PTN: variants seen among roughly 807,000 people sequenced by gnomAD.
The protein encoded by PTN is heparin affin regulatory protein.
PTN carries 18 observed loss-of-function variants against 24.1 expected under a neutral mutation model. The observed-to-expected ratio is 0.75, with a 90% CI of 0.52 to 1.11. The LOEUF is 1.11. Ranked by LOEUF, PTN falls within the 50% of genes least tolerant of loss-of-function variation. The pLI, the probability that PTN is intolerant of heterozygous loss-of-function variation, is 0.00. For synonymous variants in PTN, 78 were observed against 68.6 expected (o/e 1.14, Z -0.67); for missense variants, 163 against 198.8 (o/e 0.82, Z 1.08).
intron 1 of PTN, among the ~76,000 whole-genome samples, chr7:137,291,118 T>C (rs958382162): frequency 6.6e-6 from 1 of 152,174 alleles, no homozygotes; most frequent in Non-Finnish European, 1.5e-5. Context: ...TTTATTCCCA[T>C]GAGAAGTTGT....
At chr7:137,261,603 A>C (rs1464990654) in intron 1 of PTN, among the ~76,000 whole-genome samples, 5 of 152,216 alleles carry the variant, frequency 3.3e-5, no homozygotes, top group African/African-American at 1.2e-4. Flanking sequence ...AGAAAAGGTA[A>C]ATAAATAGGA....
At chr7:137,249,272 C>CGTGTGTGTGTGTGTGTGTGT (rs60014659) in intron 4 of PTN, among the ~76,000 whole-genome samples, 1 of 145,276 alleles carries the variant, frequency 6.9e-6, no homozygotes, top group Non-Finnish European at 1.5e-5. Context: ...GGACAGTGCA[C>CGTGTGTGTGTGTGTGTGTGT]GTGTGTGTGT....
At chr7:137,305,185 T>C (rs1024154771) in intron 1 of PTN, among the ~76,000 whole-genome samples, 2 of 152,044 alleles carry the variant, frequency 1.3e-5, no homozygotes, top group Non-Finnish European at 2.9e-5. Context: ...TAAATTCAGA[T>C]CAACCTCAAA....
At chr7:137,278,253 G>GCCGA (rs1210316940) in intron 1 of PTN, among the ~76,000 whole-genome samples, 13 of 130,392 alleles carry the variant, frequency 1.0e-4, no homozygotes, top group African/African-American at 3.4e-4. Flanking sequence ...CTTGCAGTGA[G>GCCGA]CCGAGATCGC....
At chr7:137,237,301 T>C (rs1025892784) in intron 4 of PTN, among the ~76,000 whole-genome samples, 3 of 152,090 alleles carry the variant, frequency 2.0e-5, no homozygotes, top group Non-Finnish European at 4.4e-5. Flanking sequence ...AGGGGCCTCA[T>C]AGGGCACCAA....
At chr7:137,301,157 A>G (rs543976827) in intron 1 of PTN, among the ~76,000 whole-genome samples, 1 of 152,106 alleles carries the variant, frequency 6.6e-6, no homozygotes, top group African/African-American at 2.4e-5. Flanking sequence ...ACAATTTGCA[A>G]TATGTGTCAG....
At chr7:137,297,481 C>T (rs983227521) in intron 1 of PTN, among the ~76,000 whole-genome samples, 1 of 151,826 alleles carries the variant, frequency 6.6e-6, no homozygotes, top group Non-Finnish European at 1.5e-5. Context: ...TTAAGGAATA[C>T]CAAGGAGAGA....
chr7:137,297,127 A>G (rs911443186), intron 1 of PTN, among the ~76,000 whole-genome samples: 4 of 152,148 alleles, frequency 2.6e-5, no homozygotes, highest in African/African-American at 9.6e-5. Context: ...ATGGACAGAT[A>G]AAATAATGTT....
intron 1 of PTN, among the ~76,000 whole-genome samples, chr7:137,339,705 T>C (rs1562976006): frequency 6.6e-6 from 1 of 151,856 alleles, no homozygotes; most frequent in African/African-American, 2.4e-5. Flanking sequence ...CATCCGTACA[T>C]AGAGAAATGT....
At chr7:137,267,554 A>G (rs1265981913) in intron 1 of PTN, among the ~76,000 whole-genome samples, 2 of 152,130 alleles carry the variant, frequency 1.3e-5, no homozygotes, top group African/African-American at 4.8e-5. Flanking sequence ...TGGCCAGTCT[A>G]TTTCACACAA....
At chr7:137,279,848 A>G (rs772047864) in intron 1 of PTN, among the ~76,000 whole-genome samples, 19 of 152,256 alleles carry the variant, frequency 1.2e-4, no homozygotes, top group Admixed American at 2.0e-4. Context: ...GAAGCCAGAA[A>G]GGCTGACAGA....
intron 4 of PTN, among the ~76,000 whole-genome samples, chr7:137,250,756 A>C (rs1808810184): frequency 6.6e-6 from 1 of 152,254 alleles, no homozygotes; most frequent in African/African-American, 2.4e-5. Flanking sequence ...AAAGGCTCTG[A>C]AAACAAATGC....
At chr7:137,335,043 T>A (rs538284278) in intron 1 of PTN, among the ~76,000 whole-genome samples, 1 of 66,306 alleles carries the variant, frequency 1.5e-5, no homozygotes, top group East Asian at 5.3e-4. Flanking sequence ...GGGACTGTTG[T>A]GGGGTGGGGG....
chr7:137,334,715 A>G (rs923614977), intron 1 of PTN, among the ~76,000 whole-genome samples: 6 of 149,356 alleles, frequency 4.0e-5, no homozygotes, highest in Non-Finnish European at 5.9e-5. Context: ...AGGACTATAA[A>G]TCATGCTGCT....
At chr7:137,320,110 A>G (rs1365578467) in intron 1 of PTN, among the ~76,000 whole-genome samples, 1 of 152,232 alleles carries the variant, frequency 6.6e-6, no homozygotes, top group Non-Finnish European at 1.5e-5. Context: ...TCATATTTAA[A>G]TGACAATCAT....
At chr7:137,304,649 G>A (rs554468485) in intron 1 of PTN, among the ~76,000 whole-genome samples, 2 of 151,988 alleles carry the variant, frequency 1.3e-5, no homozygotes, top group African/African-American at 4.8e-5. Context: ...TAAAAACTCA[G>A]AAGATGAAAA....
intron 1 of PTN, among the ~76,000 whole-genome samples, chr7:137,319,547 C>T (rs903721369): frequency 6.6e-6 from 1 of 152,178 alleles, no homozygotes; most frequent in African/African-American, 2.4e-5. Flanking sequence ...GCTGGCAGAT[C>T]GTTTTTTGGC....
rs576594671 is a variant in PTN at position 137,247,088 on chromosome 7, A to T, written c.451+4142T>A. The stretch of plus-strand genomic sequence containing the variant: ...ATTAACATAAGAAAAAATGTTGATG[A>T]TGTACTCTTTCCTGAAGGAAGAAAA... On this transcript the variant is annotated intron_variant, in intron 4 of 4. Coordinates refer to ENST00000348225, the MANE Select transcript of PTN (RefSeq NM_002825.7). 1.2e-4 allele frequency among the ~76,000 whole-genome samples: 18 copies of T among 152,302 alleles called. No homozygotes were observed. In the South Asian group the frequency reaches 3.7e-3, roughly 32 times the overall value.
intron 1 of PTN, among the ~76,000 whole-genome samples, chr7:137,297,901 AAG>A: frequency 1.3e-5 from 2 of 151,712 alleles, no homozygotes; most frequent in East Asian, 3.9e-4. Flanking sequence ...AAGCTTTCCA[AAG>A]TGGGCAGGAA....
Sources: gnomAD v4.1 joint callset for allele counts (sites outside exome capture counted in the v4.1 genomes callset) on GRCh38, gnomAD v4.1.1 for gene constraint, MANE v1.5 for transcripts, NCBI Gene and HGNC (gene_info 2026-07-23, HGNC 2026-07-21) for gene names.